The following DRC4 variants were observed in gnomAD, a reference collection of about 807,000 sequenced individuals.
DRC4 encodes the protein GAS-11.
chr16:90,029,026 G>T, the DRC4 span: 6 of 1,304,416 alleles, frequency 4.6e-6, no homozygotes, highest in Non-Finnish European at 6.1e-6. Flanking sequence ...GGAGCTGCTG[G>T]ATGGAGAATG....
At chr16:90,021,146 T>C in the DRC4 span, among the ~76,000 whole-genome samples, 1 of 152,214 alleles carries the variant, frequency 6.6e-6, no homozygotes, top group Non-Finnish European at 1.5e-5. Flanking sequence ...AACTGGCTGC[T>C]CCTCTCCAAG....
the DRC4 span, among the ~76,000 whole-genome samples, chr16:90,026,889 CTCTTT>C: frequency 7.5e-6 from 1 of 132,948 alleles, no homozygotes; most frequent in Non-Finnish European, 1.6e-5. Context: ...TGAGTTCCCT[CTCTTT>C]TCTTTTTTTT....
the DRC4 span, chr16:90,032,845 G>A: frequency 6.2e-7 from 1 of 1,613,938 alleles, no homozygotes; most frequent in Non-Finnish European, 8.5e-7. Flanking sequence ...AGTGTGCTGC[G>A]CAAGGACATG....
the DRC4 span, chr16:90,031,080 A>G: frequency 9.5e-7 from 1 of 1,051,760 alleles, no homozygotes. Flanking sequence ...TAGTTATTTT[A>G]TGATTATTGG....
At chr16:90,043,751 T>C in the DRC4 span, 1 of 475,214 alleles carries the variant, frequency 2.1e-6, no homozygotes, top group Admixed American at 2.3e-5. Context: ...CATTGACACC[T>C]GAGTCACAGC....
chr16:90,044,116 G>A, the DRC4 span: 1 of 452,934 alleles, frequency 2.2e-6, no homozygotes, highest in South Asian at 1.6e-5. Context: ...TTCCGCACCA[G>A]AGGGACACTC....
chr16:90,036,430 C>G, the DRC4 span: 1 of 1,612,522 alleles, frequency 6.2e-7, no homozygotes, highest in Non-Finnish European at 8.5e-7. Context: ...GGGACGAACT[C>G]GACTTGCGGA....
the DRC4 span, among the ~76,000 whole-genome samples, chr16:90,025,878 A>G: frequency 6.6e-6 from 1 of 151,972 alleles, no homozygotes; most frequent in East Asian, 1.9e-4. Context: ...CTCAAAAAAA[A>G]AAAAAAAAAG....
chr16:90,043,616 G>A, the DRC4 span: 805 of 607,862 alleles, frequency 1.3e-3, 7 homozygotes, highest in East Asian at 0.016. Context: ...GACCACAGTC[G>A]GCGGCACCTT....
the DRC4 span, chr16:90,032,652 G>A: frequency 6.8e-7 from 1 of 1,473,814 alleles, no homozygotes; most frequent in African/African-American, 1.4e-5. Flanking sequence ...GACCAGGTGT[G>A]CACAGGTACG....
At chr16:90,042,628 A>T in the DRC4 span, 17 of 1,022,134 alleles carry the variant, frequency 1.7e-5, no homozygotes, top group Admixed American at 2.9e-4. Flanking sequence ...ACCTGTGCCC[A>T]CTTCGTACCT....
chr16:90,028,403 T>G, the DRC4 span, among the ~76,000 whole-genome samples: 1 of 151,732 alleles, frequency 6.6e-6, no homozygotes, highest in Non-Finnish European at 1.5e-5. Flanking sequence ...TTAGCCAGGA[T>G]GGTCTCGATC....
the DRC4 span, among the ~76,000 whole-genome samples, chr16:90,033,083 T>G: frequency 2.6e-5 from 4 of 152,178 alleles, no homozygotes; most frequent in South Asian, 4.1e-4. Context: ...TTTTAAAGCA[T>G]GCATCCAAAC....
At chr16:90,040,394 G>T in the DRC4 span, 1 of 1,611,560 alleles carries the variant, frequency 6.2e-7, no homozygotes, top group Non-Finnish European at 8.5e-7. Flanking sequence ...GTGCTAGAAC[G>T]CAAGCTGCAG....
the DRC4 span, chr16:90,032,597 C>T: frequency 3.5e-5 from 29 of 827,470 alleles, 1 homozygote; most frequent in South Asian, 4.5e-4. Flanking sequence ...CAGGTGTGTA[C>T]AGGTATGGAC....
chr16:90,029,202 G>GGGGCAGGCTGCGGGGCAGCCTACA, the DRC4 span: 6 of 1,359,988 alleles, frequency 4.4e-6, 1 homozygote, highest in South Asian at 4.6e-5. Flanking sequence ...GGCAGCCTAC[G>GGGGCAGGCTGCGGGGCAGCCTACA]GGGCAGGCTA....
the DRC4 span, chr16:90,042,626 C>T: frequency 5.9e-6 from 6 of 1,020,098 alleles, no homozygotes; most frequent in African/African-American, 1.6e-5. Flanking sequence ...CCACCTGTGC[C>T]CACTTCGTAC....
chr16:90,043,291 G>A, the DRC4 span: 1 of 1,613,376 alleles, frequency 6.2e-7, no homozygotes. Flanking sequence ...AAACAGCTGT[G>A]ATCGGACAGA....
chr16:90,032,060 C>T, the DRC4 span, among the ~76,000 whole-genome samples: 10 of 150,590 alleles, frequency 6.6e-5, no homozygotes, highest in Admixed American at 1.3e-4. Context: ...GTAGTGCAGG[C>T]GACCAGGTGT....
Sources: gnomAD v4.1 joint callset for allele counts (sites outside exome capture counted in the v4.1 genomes callset) on GRCh38, gnomAD v4.1.1 for gene constraint, MANE v1.5 for transcripts, NCBI Gene and HGNC (gene_info 2026-07-23, HGNC 2026-07-21) for gene names.